TAFA2: variants seen among roughly 807,000 people sequenced by gnomAD.
TAFA2 encodes the protein TAFA chemokine like family member 2.
In TAFA2, 7 loss-of-function variants were observed where a neutral mutation model predicts 18.8. The ratio of observed to expected loss-of-function variants is 0.37; its 90% CI spans 0.21 to 0.70. The LOEUF (loss-of-function observed/expected upper bound fraction) is 0.70, where lower values mean the gene tolerates loss of function less well. TAFA2 is among the 30% of genes least tolerant of loss of function. TAFA2 has a pLI of 0.53. For synonymous variants in TAFA2, 60 were observed against 54.2 expected (o/e 1.11, Z -0.47); for missense variants, 122 against 158.1 (o/e 0.77, Z 1.23).
intron 1 of TAFA2, among the ~76,000 whole-genome samples, chr12:62,216,966 AGG>A (rs2062738417): frequency 1.3e-5 from 2 of 152,308 alleles, no homozygotes. Flanking sequence ...AATGCCATGT[AGG>A]TAGTATATGG....
chr12:61,775,037 A>G (rs1428374619), intron 2 of TAFA2, among the ~76,000 whole-genome samples: 1 of 151,794 alleles, frequency 6.6e-6, no homozygotes, highest in Non-Finnish European at 1.5e-5. Flanking sequence ...ACGAGAAAAT[A>G]TATGTAGGTG....
At chr12:61,866,966 T>C (rs2121218371) in intron 2 of TAFA2, among the ~76,000 whole-genome samples, 1 of 152,190 alleles carries the variant, frequency 6.6e-6, no homozygotes, top group East Asian at 1.9e-4. Context: ...CTTTAAGTTT[T>C]AGGGTACATG....
chr12:61,988,666 A>C (rs747935935), intron 1 of TAFA2, among the ~76,000 whole-genome samples: 6 of 152,186 alleles, frequency 3.9e-5, no homozygotes, highest in Non-Finnish European at 7.3e-5. Flanking sequence ...TTAAATTATC[A>C]TTCCACAAAT....
At chr12:61,759,795 A>G (rs777229015) in intron 2 of TAFA2, among the ~76,000 whole-genome samples, 21 of 151,990 alleles carry the variant, frequency 1.4e-4, no homozygotes, top group Non-Finnish European at 1.9e-4. Context: ...AAATATTTAA[A>G]TATTTCTATA....
intron 2 of TAFA2, among the ~76,000 whole-genome samples, chr12:61,813,314 T>A (rs1254901145): frequency 6.6e-6 from 1 of 151,522 alleles, no homozygotes; most frequent in Non-Finnish European, 1.5e-5. Flanking sequence ...CCTACTCATG[T>A]ATCTGCTGCT....
chr12:62,019,267 C>T (rs112911771), intron 1 of TAFA2, among the ~76,000 whole-genome samples: 54,090 of 151,678 alleles, frequency 0.36, 10,053 homozygotes, highest in Non-Finnish European at 0.39. Flanking sequence ...GTCAGTGTGG[C>T]GATTCCTCAG....
At chr12:62,088,007 T>C (rs348672) in intron 1 of TAFA2, among the ~76,000 whole-genome samples, 29,889 of 151,998 alleles carry the variant, frequency 0.2, 3,530 homozygotes, top group Admixed American at 0.26. Context: ...CCCAGTGCCC[T>C]GTATGGTTAG....
intron 1 of TAFA2, among the ~76,000 whole-genome samples, chr12:61,901,230 G>T (rs1876084477): frequency 6.9e-6 from 1 of 144,482 alleles, no homozygotes; most frequent in Admixed American, 7.2e-5. Flanking sequence ...AACTTAATTT[G>T]CTTTCCAAGT....
At chr12:62,024,321 G>A (rs1006747152) in intron 1 of TAFA2, among the ~76,000 whole-genome samples, 1 of 152,138 alleles carries the variant, frequency 6.6e-6, no homozygotes, top group South Asian at 2.1e-4. Flanking sequence ...AAAGTTAGAT[G>A]AATAGTTGCC....
chr12:61,899,360 A>G (rs764191826), intron 1 of TAFA2, among the ~76,000 whole-genome samples: 1 of 152,198 alleles, frequency 6.6e-6, no homozygotes, highest in Non-Finnish European at 1.5e-5. Context: ...CCTGATATAA[A>G]GAACTGCCTG....
intron 1 of TAFA2, among the ~76,000 whole-genome samples, chr12:62,065,016 A>C (rs998095942): frequency 6.6e-6 from 1 of 152,012 alleles, no homozygotes; most frequent in South Asian, 2.1e-4. Flanking sequence ...TGCATATACT[A>C]TTGAATGCTA....
chr12:61,932,395 A>G (rs1174997211), intron 1 of TAFA2, among the ~76,000 whole-genome samples: 1 of 151,888 alleles, frequency 6.6e-6, no homozygotes, highest in African/African-American at 2.4e-5. Flanking sequence ...TCGAGAAGTG[A>G]AAAGTGAAAA....
At chr12:61,779,067 A>G (rs944661813) in intron 2 of TAFA2, among the ~76,000 whole-genome samples, 1 of 151,906 alleles carries the variant, frequency 6.6e-6, no homozygotes, top group Non-Finnish European at 1.5e-5. Flanking sequence ...ATAAGGCAAT[A>G]AGCCCTGCTG....
rs543045939 is a variant in TAFA2 at position 61,762,517 on chromosome 12, T to C, written c.107-7493A>G. 4.3e-4 allele frequency among the ~76,000 whole-genome samples: 65 copies of C among 152,088 alleles called. 2 individuals carry two copies. In the South Asian group the frequency reaches 0.013, roughly 32 times the overall value. Reference sequence around the variant, plus strand: ...ATTACTTAAATGTTAATTACCTTTATTTTTATGATTAGTGTAATTAACGAA... The same window carrying C: ...ATTACTTAAATGTTAATTACCTTTACTTTTATGATTAGTGTAATTAACGAA... On this transcript the variant is annotated intron_variant, in intron 2 of 4. Coordinates refer to ENST00000416284, the MANE Select transcript of TAFA2 (RefSeq NM_178539.5).
intron 2 of TAFA2, among the ~76,000 whole-genome samples, chr12:61,788,892 G>T (rs1198441880): frequency 6.6e-6 from 1 of 151,676 alleles, no homozygotes; most frequent in Non-Finnish European, 1.5e-5. Flanking sequence ...GAATCTATCA[G>T]TACTAAAAGT....
At chr12:61,761,105 G>T (rs1162056976) in intron 2 of TAFA2, among the ~76,000 whole-genome samples, 1 of 151,824 alleles carries the variant, frequency 6.6e-6, no homozygotes. Context: ...CAGAAACACG[G>T]CCTTAGGATA....
intron 2 of TAFA2, among the ~76,000 whole-genome samples, chr12:61,757,785 A>C (rs2120776137): frequency 6.6e-6 from 1 of 152,180 alleles, no homozygotes; most frequent in East Asian, 1.9e-4. Flanking sequence ...GAGATTGATC[A>C]TCTATGTCAA....
chr12:61,827,625 T>G (rs2121079144), intron 2 of TAFA2, among the ~76,000 whole-genome samples: 1 of 152,134 alleles, frequency 6.6e-6, no homozygotes, highest in Non-Finnish European at 1.5e-5. Flanking sequence ...TAAATGGCAA[T>G]AAAGTAAAAC....
At chr12:61,722,315 G>A (rs1474454998) in intron 4 of TAFA2, among the ~76,000 whole-genome samples, 2 of 152,108 alleles carry the variant, frequency 1.3e-5, no homozygotes, top group African/African-American at 2.4e-5. Flanking sequence ...ACAGGCCCCT[G>A]TTTTCTTATC....
Sources: gnomAD v4.1 joint callset for allele counts (sites outside exome capture counted in the v4.1 genomes callset) on GRCh38, gnomAD v4.1.1 for gene constraint, MANE v1.5 for transcripts, NCBI Gene and HGNC (gene_info 2026-07-23, HGNC 2026-07-21) for gene names.